PDGFC: variants seen among roughly 807,000 people sequenced by gnomAD.
PDGFC encodes the protein platelet-derived growth factor C.
PDGFC carries 12 observed loss-of-function variants against 35.5 expected under a neutral mutation model. The ratio of observed to expected loss-of-function variants is 0.34; its 90% CI spans 0.22 to 0.55. PDGFC has a LOEUF of 0.55. Among genes scored for constraint, PDGFC ranks in the 20% least tolerant of loss-of-function variants. The pLI, the probability that PDGFC is intolerant of heterozygous loss-of-function variation, is 0.91. For synonymous variants in PDGFC, 159 were observed against 148.8 expected, an observed-to-expected ratio of 1.07 and a Z score of -0.50; for missense variants, 322 against 412.4, an observed-to-expected ratio of 0.78 and a Z score of 1.90.
At chr4:156,862,581 T>C (rs1480609860) in intron 1 of PDGFC, among the ~76,000 whole-genome samples, 6 of 152,170 alleles carry the variant, frequency 3.9e-5, no homozygotes, top group African/African-American at 1.4e-4. Context: ...ACAACACACT[T>C]TCAGAGAATG....
chr4:156,861,136 T>C (rs1322405709), intron 1 of PDGFC, among the ~76,000 whole-genome samples: 2 of 152,044 alleles, frequency 1.3e-5, no homozygotes, highest in East Asian at 1.9e-4. Flanking sequence ...TGTAGACATT[T>C]TTGCGGTTTA....
At chr4:156,926,409 C>T (rs1396158275) in intron 1 of PDGFC, among the ~76,000 whole-genome samples, 1 of 152,094 alleles carries the variant, frequency 6.6e-6, no homozygotes, top group African/African-American at 2.4e-5. Context: ...AAGGCAGGGT[C>T]CCTGGCAAGG....
At chr4:156,945,204 C>A (rs1056961378) in intron 1 of PDGFC, among the ~76,000 whole-genome samples, 1 of 151,216 alleles carries the variant, frequency 6.6e-6, no homozygotes, top group African/African-American at 2.4e-5. Flanking sequence ...CTGCTCATTG[C>A]TTTTTAATCT....
At chr4:156,822,111 G>C (rs1246960440) in intron 2 of PDGFC, among the ~76,000 whole-genome samples, 1 of 152,114 alleles carries the variant, frequency 6.6e-6, no homozygotes, top group Non-Finnish European at 1.5e-5. Context: ...TGTAATCCCA[G>C]CAGTTTGGGA....
intron 1 of PDGFC, among the ~76,000 whole-genome samples, chr4:156,916,329 C>A (rs1284552089): frequency 6.6e-6 from 1 of 152,170 alleles, no homozygotes; most frequent in Non-Finnish European, 1.5e-5. Flanking sequence ...ATGAGCTATC[C>A]ATTAGTTGTT....
chr4:156,921,676 C>A (rs181911745), intron 1 of PDGFC, among the ~76,000 whole-genome samples: 2 of 152,140 alleles, frequency 1.3e-5, no homozygotes, highest in Admixed American at 1.3e-4. Context: ...TCACTCTGAG[C>A]AAAAATCATG....
chr4:156,962,559 T>C (rs2110974869), intron 1 of PDGFC, among the ~76,000 whole-genome samples: 1 of 152,308 alleles, frequency 6.6e-6, no homozygotes, highest in Non-Finnish European at 1.5e-5. Flanking sequence ...CTTCTCTGCA[T>C]ATGCGGCACC....
intron 4 of PDGFC, among the ~76,000 whole-genome samples, chr4:156,771,948 T>A (rs1255412302): frequency 1.3e-5 from 2 of 152,180 alleles, no homozygotes; most frequent in Non-Finnish European, 2.9e-5. Context: ...ACTAAAAAAA[T>A]TAGGTAATTT....
chr4:156,966,330 A>G (rs1440789312), intron 1 of PDGFC, among the ~76,000 whole-genome samples: 1 of 152,202 alleles, frequency 6.6e-6, no homozygotes, highest in East Asian at 1.9e-4. Flanking sequence ...ATTACGTATA[A>G]TGCTTCCAAA....
rs1240854054 is a variant in PDGFC at position 156,918,713 on chromosome 4, C to T, written c.118+52073G>A. On this transcript the variant is annotated intron_variant, in intron 1 of 5. Transcript: ENST00000502773. ...CAGTTTCATCCTAAAACCATTCTCCCCACCCCTGGTCTGAAGGACAACTCT... is the reference window on the plus strand; with the variant it reads ...CAGTTTCATCCTAAAACCATTCTCCTCACCCCTGGTCTGAAGGACAACTCT... Among the ~76,000 whole-genome samples the T allele has an allele frequency of 3.3e-5, 5 of 152,268 alleles. No individual in the cohort carries two copies. The South Asian group carries it at 8.3e-4, about 25-fold the overall frequency.
chr4:156,863,749 T>G (rs1176988184), intron 1 of PDGFC, among the ~76,000 whole-genome samples: 2 of 152,118 alleles, frequency 1.3e-5, no homozygotes, highest in Non-Finnish European at 2.9e-5. Context: ...TTTGATACTC[T>G]TAAAAAGTGG....
chr4:156,968,957 C>T (rs1422339834), intron 1 of PDGFC, among the ~76,000 whole-genome samples: 6 of 152,130 alleles, frequency 3.9e-5, no homozygotes, highest in Non-Finnish European at 8.8e-5. Flanking sequence ...GGCCTATGAC[C>T]ACATGCTGCA....
intron 2 of PDGFC, among the ~76,000 whole-genome samples, chr4:156,832,740 T>G (rs1728975153): frequency 6.6e-6 from 1 of 152,188 alleles, no homozygotes; most frequent in African/African-American, 2.4e-5. Context: ...ACTTGCAAAG[T>G]ACAGTATTTC....
chr4:156,967,731 A>C, intron 1 of PDGFC: 1 of 152,142 alleles, frequency 6.6e-6, no homozygotes, highest in East Asian at 1.9e-4. Context: ...ATCATTCCAC[A>C]ATAGGCATTC....
chr4:156,884,951 C>T (rs1470000334), intron 1 of PDGFC, among the ~76,000 whole-genome samples: 1 of 152,124 alleles, frequency 6.6e-6, no homozygotes, highest in Non-Finnish European at 1.5e-5. Context: ...TTTCTAATTC[C>T]ATAAAATAAA....
intron 1 of PDGFC, among the ~76,000 whole-genome samples, chr4:156,874,456 A>T (rs1730061169): frequency 6.6e-6 from 1 of 152,140 alleles, no homozygotes; most frequent in Admixed American, 6.5e-5. Flanking sequence ...ATAGTCCCTA[A>T]AAACGATGAA....
intron 2 of PDGFC, among the ~76,000 whole-genome samples, chr4:156,824,317 T>TAC (rs1165371518): frequency 2.2e-5 from 2 of 92,956 alleles, no homozygotes; most frequent in Admixed American, 2.0e-4. Context: ...TATATATATA[T>TAC]ATATATATAT....
chr4:156,934,975 C>T lies in PDGFC; in HGVS notation c.118+35811G>A, dbSNP rs72976533. ...TAAAAACATACCTGAGGCTTTCTTA[C>T]AGTTAACGTTTTTTTGTTTTGTTTT... On this transcript the variant is annotated intron_variant, in intron 1 of 5. Transcript: ENST00000502773. Among the ~76,000 whole-genome samples the T allele has an allele frequency of 5.6e-3, 858 of 152,166 alleles. 10 individuals are homozygous for T. Among genetic ancestry groups the T allele is most frequent in the African/African-American group, 0.02 (815 of 41,518 alleles).
At chr4:156,888,918 C>G (rs144961718) in intron 1 of PDGFC, among the ~76,000 whole-genome samples, 9 of 152,288 alleles carry the variant, frequency 5.9e-5, no homozygotes, top group African/African-American at 2.2e-4. Context: ...TTCTCAAGAT[C>G]TGTTAAGAGC....
Sources: gnomAD v4.1 joint callset for allele counts (sites outside exome capture counted in the v4.1 genomes callset) on GRCh38, gnomAD v4.1.1 for gene constraint, MANE v1.5 for transcripts, NCBI Gene and HGNC (gene_info 2026-07-23, HGNC 2026-07-21) for gene names.